Variants in VWA3B observed in about 807,000 individuals in gnomAD.
VWA3B encodes von Willebrand factor A domain-containing protein 3B.
In VWA3B, 138 loss-of-function variants were observed where a neutral mutation model predicts 158.3. The observed-to-expected ratio is 0.87, with a 90% CI of 0.76 to 1.00. The LOEUF is 1.00. Among genes scored for constraint, VWA3B ranks in the 50% least tolerant of loss-of-function variants. VWA3B has a pLI of 0.00. For missense variants in VWA3B, 1,555 were observed against 1,565.1 expected (o/e 0.99, Z 0.11); for synonymous variants, 596 against 587.3 (o/e 1.01, Z -0.21).
chr2:98,286,123 T>G (rs1471484683), intron 22 of VWA3B, among the ~76,000 whole-genome samples: 1 of 152,150 alleles, frequency 6.6e-6, no homozygotes, highest in Non-Finnish European at 1.5e-5. Flanking sequence ...TACACTTATC[T>G]TGTAACATGA....
chr2:98,220,274 C>A (rs1028284066), intron 14 of VWA3B, among the ~76,000 whole-genome samples: 7 of 151,630 alleles, frequency 4.6e-5, no homozygotes, highest in African/African-American at 1.7e-4. Flanking sequence ...GAAGGAAAAC[C>A]TTACCAGATA....
At chr2:98,101,827 CT>C (rs759407304) in intron 2 of VWA3B, among the ~76,000 whole-genome samples, 358 of 130,420 alleles carry the variant, frequency 2.7e-3, no homozygotes, top group African/African-American at 5.3e-3. Flanking sequence ...TCCCATCTTT[CT>C]TTTTTTTTTT....
At chr2:98,242,504 T>G (rs1483646275) in intron 19 of VWA3B, among the ~76,000 whole-genome samples, 1 of 151,968 alleles carries the variant, frequency 6.6e-6, no homozygotes, top group Non-Finnish European at 1.5e-5. Context: ...TTGGGAAAAT[T>G]GGTCTGCACC....
intron 2 of VWA3B, among the ~76,000 whole-genome samples, chr2:98,094,020 T>C (rs1682543081): frequency 6.6e-6 from 1 of 152,244 alleles, no homozygotes; most frequent in South Asian, 2.1e-4. Context: ...TATACTATGT[T>C]TTCTTTATCC....
intron 19 of VWA3B, among the ~76,000 whole-genome samples, chr2:98,248,799 C>G (rs1686564557): frequency 6.6e-6 from 1 of 151,912 alleles, no homozygotes; most frequent in Admixed American, 6.6e-5. Flanking sequence ...GTGTCCCTTT[C>G]TCTCTGTCTC....
intron 7 of VWA3B, among the ~76,000 whole-genome samples, chr2:98,136,779 C>G (rs895408451): frequency 6.6e-6 from 1 of 152,144 alleles, no homozygotes. Context: ...CACATATATT[C>G]AAATCACTGC....
chr2:98,264,260 T>G (rs1574229697), intron 21 of VWA3B, among the ~76,000 whole-genome samples: 1 of 152,186 alleles, frequency 6.6e-6, no homozygotes, highest in East Asian at 1.9e-4. Flanking sequence ...TTCTTCCCTC[T>G]GCTAACTTGG....
chr2:98,329,170 T>C, the VWA3B span, among the ~76,000 whole-genome samples: 2 of 152,108 alleles, frequency 1.3e-5, no homozygotes, highest in Non-Finnish European at 1.5e-5. Context: ...AATCACACCA[T>C]AAATAAAAAT....
intron 21 of VWA3B, among the ~76,000 whole-genome samples, chr2:98,266,467 A>G (rs1323890541): frequency 1.3e-5 from 2 of 151,542 alleles, no homozygotes; most frequent in African/African-American, 4.9e-5. Context: ...TATAGTTTGA[A>G]GTCAGGTAGT....
At chr2:98,266,509 G>GA (rs1687840400) in intron 21 of VWA3B, among the ~76,000 whole-genome samples, 1 of 149,924 alleles carries the variant, frequency 6.7e-6, no homozygotes, top group Non-Finnish European at 1.5e-5. Context: ...TTTTGGCTTA[G>GA]GATTGACTTG....
At chr2:98,250,458 T>C in intron 20 of VWA3B, 22 bp downstream of exon 20, 1 of 1,535,690 alleles carries the variant, frequency 6.5e-7, no homozygotes, top group Non-Finnish European at 8.9e-7. Context: ...TCTTGGCTGC[T>C]CTTTAATGGA....
chr2:98,185,159 T>C (rs1203427973), intron 9 of VWA3B, among the ~76,000 whole-genome samples: 1 of 152,224 alleles, frequency 6.6e-6, no homozygotes, highest in Admixed American at 6.5e-5. Flanking sequence ...AGTTCCAAAC[T>C]GTCTGACCAG....
chr2:98,106,531 T>C (rs1269268922), intron 2 of VWA3B, among the ~76,000 whole-genome samples: 3 of 152,346 alleles, frequency 2.0e-5, no homozygotes, highest in East Asian at 3.9e-4. Flanking sequence ...ATGAAATATC[T>C]TTCCATTTAT....
At chr2:98,197,628 A>G (rs952252982) in intron 12 of VWA3B, among the ~76,000 whole-genome samples, 2 of 152,162 alleles carry the variant, frequency 1.3e-5, no homozygotes, top group Admixed American at 6.5e-5. Flanking sequence ...ATTTATTTCA[A>G]TGTGGACTCA....
chr2:98,115,085 A>G (rs1242779291), intron 2 of VWA3B, among the ~76,000 whole-genome samples: 1 of 150,844 alleles, frequency 6.6e-6, no homozygotes, highest in Non-Finnish European at 1.5e-5. Flanking sequence ...CAAGTCACGA[A>G]TAACTTCCTA....
At chr2:98,212,237 G>A in intron 13 of VWA3B, 1 of 481,454 alleles carries the variant, frequency 2.1e-6, no homozygotes, top group South Asian at 3.2e-5. Context: ...GACAGTGAAT[G>A]TTGCCTGGTG....
intron 7 of VWA3B, among the ~76,000 whole-genome samples, chr2:98,155,014 A>G (rs1013232809): frequency 6.6e-6 from 1 of 152,222 alleles, no homozygotes; most frequent in Non-Finnish European, 1.5e-5. Flanking sequence ...GGTTACAAAA[A>G]CAGATAAACA....
At chr2:98,314,981 C>G (rs1233658408), downstream of VWA3B, among the ~76,000 whole-genome samples, 5 of 144,890 alleles carry the variant, frequency 3.5e-5, no homozygotes, top group Admixed American at 2.8e-4. Context: ...AAGAGTCCAT[C>G]TCAAAAAAAA....
At chr2:98,121,261 A>T (rs1674933502) in intron 4 of VWA3B, 38 bp from the exon 5 acceptor site, 1 of 1,598,254 alleles carries the variant, frequency 6.3e-7, no homozygotes, top group African/African-American at 1.3e-5. Flanking sequence ...AGTAGCACTG[A>T]TCACTGCCCA....
Sources: allele counts gnomAD v4.1 joint callset (sites outside exome capture counted in the v4.1 genomes callset), GRCh38; gene constraint gnomAD v4.1.1; transcripts MANE v1.5; gene names NCBI Gene and HGNC (gene_info 2026-07-23, HGNC 2026-07-21).